The following GPC5 variants were observed in gnomAD, a reference collection of about 807,000 sequenced individuals.
GPC5 encodes glypican-5.
Under a neutral mutation model 53.9 loss-of-function variants are expected in GPC5, and 47 were observed. That is an observed-to-expected ratio of 0.87 (90% CI 0.69 to 1.11). The LOEUF is 1.11. Ranked by LOEUF, GPC5 falls within the 50% of genes most tolerant of loss-of-function variation. The pLI is 0.00. For synonymous variants in GPC5, 286 were observed against 263.3 expected (o/e 1.09, Z -0.84); for missense variants, 748 against 713.1 (o/e 1.05, Z -0.56).
chr13:92,029,178 AC>A (rs1465360533), intron 6 of GPC5, among the ~76,000 whole-genome samples: 1 of 152,184 alleles, frequency 6.6e-6, no homozygotes, highest in African/African-American at 2.4e-5. Flanking sequence ...AGTGGATAAA[AC>A]AAGTCATCTT....
Position 91,525,567 on chromosome 13 carries a change from C to T in GPC5, c.325+76645C>T, listed in dbSNP as rs893711392. On this transcript the variant is annotated intron_variant, in intron 2 of 7. Transcript: ENST00000377067. ...TTTACTTTTAATATACCACCTCTTT[C>T]TGACAATTATTTGTGGCATTTCCAC... 1.4e-4 allele frequency among the ~76,000 whole-genome samples: 22 copies of T among 152,256 alleles called. No individual in the cohort carries two copies. The Middle Eastern group carries it at 0.01, about 71-fold the overall frequency.
chr13:92,628,264 C>CTGTTTTTT (rs1885114961), intron 7 of GPC5, among the ~76,000 whole-genome samples: 2 of 45,338 alleles, frequency 4.4e-5, no homozygotes, highest in Non-Finnish European at 8.7e-5. Flanking sequence ...CTTTTTCTTT[C>CTGTTTTTT]TTTTTTTTTT....
At chr13:92,132,348 T>C (rs2041751166) in intron 6 of GPC5, among the ~76,000 whole-genome samples, 2 of 152,190 alleles carry the variant, frequency 1.3e-5, no homozygotes, top group Admixed American at 6.6e-5. Flanking sequence ...TTGTGGGAGC[T>C]ATTCTCCAGG....
At chr13:92,389,970 A>G (rs1248155128) in intron 7 of GPC5, among the ~76,000 whole-genome samples, 1 of 152,190 alleles carries the variant, frequency 6.6e-6, no homozygotes, top group Non-Finnish European at 1.5e-5. Context: ...ACTTTGCCAA[A>G]TAAAACTGGC....
chr13:92,498,447 A>G (rs1027088070), intron 7 of GPC5, among the ~76,000 whole-genome samples: 1 of 152,136 alleles, frequency 6.6e-6, no homozygotes, highest in Non-Finnish European at 1.5e-5. Flanking sequence ...AGTGGCATAC[A>G]TGAGCCCCTT....
chr13:91,815,597 A>G (rs2038387332), intron 5 of GPC5, among the ~76,000 whole-genome samples: 1 of 152,148 alleles, frequency 6.6e-6, no homozygotes, highest in South Asian at 2.1e-4. Flanking sequence ...ATGATTCCTT[A>G]GTGAGCACGA....
At chr13:92,035,554 C>T (rs2040886073) in intron 6 of GPC5, among the ~76,000 whole-genome samples, 1 of 151,968 alleles carries the variant, frequency 6.6e-6, no homozygotes, top group Non-Finnish European at 1.5e-5. Context: ...TACAGAAAAC[C>T]ATCTCTTTGT....
At chr13:92,760,816 T>C (rs1312753969) in intron 7 of GPC5, among the ~76,000 whole-genome samples, 1 of 152,190 alleles carries the variant, frequency 6.6e-6, no homozygotes, top group Non-Finnish European at 1.5e-5. Flanking sequence ...GAACTGCTTT[T>C]GCTGTATCCC....
chr13:91,850,073 G>A (rs574978119), intron 5 of GPC5, among the ~76,000 whole-genome samples: 4 of 152,164 alleles, frequency 2.6e-5, no homozygotes, highest in South Asian at 2.1e-4. Flanking sequence ...ATCTTTCAAC[G>A]GAGGTTTTTC....
intron 2 of GPC5, among the ~76,000 whole-genome samples, chr13:91,608,385 G>C (rs1049283596): frequency 6.6e-6 from 1 of 152,180 alleles, no homozygotes; most frequent in Non-Finnish European, 1.5e-5. Context: ...TGTCATTAGA[G>C]AACAGGAAAG....
chr13:92,737,534 G>T (rs1262942275), intron 7 of GPC5, among the ~76,000 whole-genome samples: 1 of 151,984 alleles, frequency 6.6e-6, no homozygotes, highest in Non-Finnish European at 1.5e-5. Flanking sequence ...GAAAGTTTTA[G>T]GTTTTATTCA....
chr13:92,682,624 A>G (rs1211240843), intron 7 of GPC5, among the ~76,000 whole-genome samples: 1 of 152,222 alleles, frequency 6.6e-6, no homozygotes, highest in East Asian at 1.9e-4. Context: ...AACAAATTAT[A>G]ACTAACAAAC....
intron 7 of GPC5, among the ~76,000 whole-genome samples, chr13:92,492,777 T>C (rs1879815821): frequency 6.6e-6 from 1 of 152,192 alleles, no homozygotes; most frequent in Non-Finnish European, 1.5e-5. Flanking sequence ...ATTTTTAGCA[T>C]CTCAGAAATA....
At chr13:92,213,741 C>G (rs2042391325) in intron 7 of GPC5, among the ~76,000 whole-genome samples, 1 of 152,112 alleles carries the variant, frequency 6.6e-6, no homozygotes, top group Non-Finnish European at 1.5e-5. Flanking sequence ...AGCCCAACTC[C>G]TAAATAGTTT....
At chr13:91,440,131 A>G (rs1880313217) in intron 1 of GPC5, among the ~76,000 whole-genome samples, 1 of 152,134 alleles carries the variant, frequency 6.6e-6, no homozygotes, top group Admixed American at 6.5e-5. Flanking sequence ...TGTGGTGTTC[A>G]CCAAATTTGA....
rs1877414685 is a variant in GPC5, at chr13:92,814,859, T to C, written c.1562-51423T>C. Among the ~76,000 whole-genome samples the C allele has an allele frequency of 1.3e-5, 2 of 152,056 alleles. 1 individual carries two copies. The highest frequency in any genetic ancestry group is 1.3e-4 in the Admixed American group (2 of 15,296). On this transcript the variant is annotated intron_variant, in intron 7 of 7. Coordinates refer to ENST00000377067, the MANE Select transcript of GPC5 (RefSeq NM_004466.6). ...ATTTAAATTTGTTTTGATCAACGAATTTCTCTAACTGTGCACTTTAAATAG... is the reference window on the plus strand; with the variant it reads ...ATTTAAATTTGTTTTGATCAACGAACTTCTCTAACTGTGCACTTTAAATAG...
intron 7 of GPC5, among the ~76,000 whole-genome samples, chr13:92,663,641 CTATATATATACTA>C (rs1256064176): frequency 1.2e-4 from 17 of 137,598 alleles, no homozygotes; most frequent in Admixed American, 3.8e-4. Flanking sequence ...TATATACACA[CTATATATATACTA>C]TATATATATA....
intron 7 of GPC5, among the ~76,000 whole-genome samples, chr13:92,212,105 A>G (rs1218626416): frequency 6.6e-6 from 1 of 151,692 alleles, no homozygotes; most frequent in Non-Finnish European, 1.5e-5. Context: ...AGACAATGAC[A>G]TGTTTGGATT....
intron 6 of GPC5, among the ~76,000 whole-genome samples, chr13:92,075,201 G>A (rs2041243115): frequency 6.6e-6 from 1 of 152,132 alleles, no homozygotes; most frequent in African/African-American, 2.4e-5. Flanking sequence ...GTTCCAACAT[G>A]TGACATACTG....
Sources: gnomAD v4.1 joint callset for allele counts (sites outside exome capture counted in the v4.1 genomes callset) on GRCh38, gnomAD v4.1.1 for gene constraint, MANE v1.5 for transcripts, NCBI Gene and HGNC (gene_info 2026-07-23, HGNC 2026-07-21) for gene names.